The following AKAP6 variants were observed in gnomAD, a reference collection of about 807,000 sequenced individuals.
The protein encoded by AKAP6 is A-kinase anchoring protein 6.
A neutral mutation model predicts 188.5 loss-of-function variants in AKAP6; 58 were observed. The ratio of observed to expected loss-of-function variants is 0.31; its 90% CI spans 0.25 to 0.38. AKAP6 has a LOEUF of 0.38. AKAP6 is among the 10% of genes least tolerant of loss of function. AKAP6 has a pLI of 1.00. For synonymous variants in AKAP6, 989 were observed against 998.6 expected (o/e 0.99, Z 0.18); for missense variants, 2,710 against 2,740.0 (o/e 0.99, Z 0.24).
intron 12 of AKAP6, among the ~76,000 whole-genome samples, chr14:32,776,332 C>T (rs758632142): frequency 1.1e-4 from 16 of 152,156 alleles, no homozygotes; most frequent in Admixed American, 2.6e-4. Context: ...GAATAAGTCT[C>T]ACTAGATCTG....
intron 2 of AKAP6, among the ~76,000 whole-genome samples, chr14:32,460,468 G>A (rs1891284499): frequency 6.6e-6 from 1 of 152,204 alleles, no homozygotes; most frequent in Admixed American, 6.5e-5. Flanking sequence ...GCTTCACCCG[G>A]GAAGTGCAAG....
At chr14:32,567,337 C>T (rs1205702087) in intron 4 of AKAP6, among the ~76,000 whole-genome samples, 1 of 152,174 alleles carries the variant, frequency 6.6e-6, no homozygotes, top group Non-Finnish European at 1.5e-5. Flanking sequence ...CTATGGGAAC[C>T]TTTCTTTCTC....
chr14:32,804,875 A>C (rs899752328), intron 12 of AKAP6, among the ~76,000 whole-genome samples: 2 of 152,182 alleles, frequency 1.3e-5, no homozygotes, highest in Non-Finnish European at 2.9e-5. Flanking sequence ...TATCTTCCCT[A>C]CTTGCACGTC....
At chr14:32,808,681 G>T (rs7159018) in intron 12 of AKAP6, among the ~76,000 whole-genome samples, 61,381 of 151,896 alleles carry the variant, frequency 0.4, 12,528 homozygotes, top group Non-Finnish European at 0.42. Flanking sequence ...CAATTCTTCC[G>T]TTTTTTTTCT....
intron 12 of AKAP6, among the ~76,000 whole-genome samples, chr14:32,789,991 C>G (rs2033559341): frequency 6.6e-6 from 1 of 152,174 alleles, no homozygotes; most frequent in South Asian, 2.1e-4. Flanking sequence ...AGTACAGGAG[C>G]TGAAAGCCAG....
chr14:32,678,081 T>A (rs1366614115), intron 7 of AKAP6, among the ~76,000 whole-genome samples: 2 of 152,222 alleles, frequency 1.3e-5, no homozygotes, highest in African/African-American at 4.8e-5. Context: ...TTGTGATATT[T>A]ACAGAGTCTT....
chr14:32,450,329 A>T (rs1289888949), intron 2 of AKAP6, among the ~76,000 whole-genome samples: 1 of 151,792 alleles, frequency 6.6e-6, no homozygotes, highest in South Asian at 2.1e-4. Context: ...TGTGTGAGAG[A>T]GAGAGAGAGA....
At chr14:32,510,520 A>G (rs1215442725) in intron 2 of AKAP6, among the ~76,000 whole-genome samples, 4 of 144,668 alleles carry the variant, frequency 2.8e-5, no homozygotes, top group South Asian at 2.1e-4. Context: ...AATTACCTAC[A>G]ATCTTATTCC....
At chr14:32,819,942 T>C (rs2034477669) in intron 12 of AKAP6, among the ~76,000 whole-genome samples, 1 of 151,928 alleles carries the variant, frequency 6.6e-6, no homozygotes, top group Non-Finnish European at 1.5e-5. Context: ...AGCAAGACTG[T>C]GTCAAAAAAA....
intron 11 of AKAP6, among the ~76,000 whole-genome samples, chr14:32,738,850 G>A (rs147152565): frequency 1.0e-3 from 154 of 152,254 alleles, no homozygotes; most frequent in Middle Eastern, 3.4e-3. Flanking sequence ...CCATCATAGT[G>A]CAAAAGCAGC....
rs1384496239 is a variant in AKAP6 at position 32,832,536 on chromosome 14, T to G, written c.*2731T>G. On this transcript the variant is annotated 3_prime_UTR_variant, in exon 14 of 14. Coordinates refer to ENST00000280979, the MANE Select transcript of AKAP6 (RefSeq NM_004274.5). ...TTTGTTGAACAATGCCTTTTCAGGT[T>G]GGAAGAAGAAAAATAGCCTCAATCT... 1.3e-5 allele frequency: 2 copies of G among 152,310 alleles called. No individual in the cohort carries two copies. Among genetic ancestry groups the G allele is most frequent in the African/African-American group, 4.8e-5 (2 of 41,562 alleles). The allele number at this position is 152,310 out of a possible 1,614,324, so 9.4% of individuals were successfully genotyped here.
At chr14:32,337,408 C>T (rs1170086284) in intron 1 of AKAP6, among the ~76,000 whole-genome samples, 1 of 151,626 alleles carries the variant, frequency 6.6e-6, no homozygotes, top group Non-Finnish European at 1.5e-5. Context: ...GGCAGCTTCT[C>T]CAAGAAAAAA....
At chr14:32,434,615 C>T (rs1890324317) in intron 2 of AKAP6, among the ~76,000 whole-genome samples, 1 of 152,196 alleles carries the variant, frequency 6.6e-6, no homozygotes, top group Non-Finnish European at 1.5e-5. Context: ...TGGTAAATTT[C>T]TAGTCAATTA....
At chr14:32,586,660 A>C (rs1885265113) in intron 5 of AKAP6, among the ~76,000 whole-genome samples, 1 of 152,200 alleles carries the variant, frequency 6.6e-6, no homozygotes, top group African/African-American at 2.4e-5. Flanking sequence ...CTATGTACTT[A>C]ACTTTGTTCC....
chr14:32,600,483 G>A, intron 6 of AKAP6, 146 bp from the exon 7 acceptor site: 1 of 909,036 alleles, frequency 1.1e-6, no homozygotes, highest in East Asian at 2.9e-5. Flanking sequence ...TATTCTGAGT[G>A]ACAAATGCTG....
intron 12 of AKAP6, among the ~76,000 whole-genome samples, chr14:32,789,816 T>C (rs1358406645): frequency 2.0e-5 from 3 of 152,112 alleles, no homozygotes; most frequent in Non-Finnish European, 4.4e-5. Flanking sequence ...GTGCCTCTTC[T>C]CCATATGACT....
At chr14:32,728,195 C>T (rs1026302913) in intron 9 of AKAP6, among the ~76,000 whole-genome samples, 2 of 139,120 alleles carry the variant, frequency 1.4e-5, no homozygotes, top group Non-Finnish European at 1.5e-5. Flanking sequence ...TAGACACATC[C>T]CTGGATTTTT....
rs112658052 is a variant in AKAP6 at position 32,790,649 on chromosome 14, G to C, written c.3588+16756G>C. Among the ~76,000 whole-genome samples, 656 of 152,116 alleles carry C rather than the reference G, an allele frequency of 4.3e-3. 6 individuals carry two copies. Among genetic ancestry groups the C allele is most frequent in the African/African-American group, 0.014 (593 of 41,486 alleles). ...AAGTTCTGGGATACATGTGCAGAAC[G>C]TGCAGGTTTGTTACATAGGTATACA... On this transcript the variant is annotated intron_variant, in intron 12 of 13. Transcript: ENST00000280979.
At chr14:32,331,647 G>C (rs1335945085) in intron 1 of AKAP6, among the ~76,000 whole-genome samples, 2 of 152,064 alleles carry the variant, frequency 1.3e-5, no homozygotes, top group African/African-American at 4.8e-5. Flanking sequence ...ACTGGCTAAG[G>C]CTATTTCAGT....
Sources: gnomAD v4.1 joint callset for allele counts (sites outside exome capture counted in the v4.1 genomes callset) on GRCh38, gnomAD v4.1.1 for gene constraint, MANE v1.5 for transcripts, NCBI Gene and HGNC (gene_info 2026-07-23, HGNC 2026-07-21) for gene names.